The following SH3RF2 variants were observed in gnomAD, a reference collection of about 807,000 sequenced individuals.
SH3RF2 encodes SH3 domain containing ring finger 2.
A neutral mutation model predicts 59.0 loss-of-function variants in SH3RF2; 43 were observed. The observed-to-expected ratio is 0.73, with a 90% CI of 0.57 to 0.94. SH3RF2 has a LOEUF of 0.94. Among genes scored for constraint, SH3RF2 ranks in the 40% least tolerant of loss-of-function variants. The probability of loss-of-function intolerance (pLI) is 0.00; values close to 1 mark genes in which losing one functional copy is unlikely to be tolerated. For missense variants in SH3RF2, 930 were observed against 940.1 expected, an observed-to-expected ratio of 0.99 and a Z score of 0.14; for synonymous variants, 391 against 391.5, an observed-to-expected ratio of 1.00 and a Z score of 0.01.
chr5:145,957,352 G>A (rs1350749942), intron 2 of SH3RF2, among the ~76,000 whole-genome samples: 2 of 152,172 alleles, frequency 1.3e-5, no homozygotes, highest in Non-Finnish European at 2.9e-5. Flanking sequence ...GGTCTTCTGG[G>A]TGGGTGGCCT....
chr5:145,999,031 A>AG (rs1246611252), intron 2 of SH3RF2, among the ~76,000 whole-genome samples: 1 of 152,012 alleles, frequency 6.6e-6, no homozygotes, highest in African/African-American at 2.4e-5. Flanking sequence ...TTACTAAAAA[A>AG]AAAACCTTAA....
intron 7 of SH3RF2, among the ~76,000 whole-genome samples, chr5:146,053,365 A>G (rs569803289): frequency 6.6e-6 from 1 of 151,318 alleles, no homozygotes; most frequent in Admixed American, 6.6e-5. Context: ...CAGCATCTAA[A>G]TCCCCCTTTA....
intron 2 of SH3RF2, among the ~76,000 whole-genome samples, chr5:145,944,479 G>A (rs115304148): frequency 0.01 from 1,590 of 152,024 alleles, 31 homozygotes; most frequent in African/African-American, 0.036. Flanking sequence ...TTCCTGAGCA[G>A]CTACAACTAC....
chr5:146,032,635 C>A (rs923653247), intron 5 of SH3RF2, among the ~76,000 whole-genome samples: 1 of 152,178 alleles, frequency 6.6e-6, no homozygotes, highest in Non-Finnish European at 1.5e-5. Context: ...GCTATCTTGG[C>A]TCTCCTTCAG....
chr5:146,003,289 G>A (rs1379220554), intron 3 of SH3RF2, among the ~76,000 whole-genome samples: 7 of 152,318 alleles, frequency 4.6e-5, no homozygotes, highest in African/African-American at 1.7e-4. Context: ...GTGGGAAAGG[G>A]CACAAAGGAA....
At chr5:145,955,888 A>G (rs371102158) in intron 2 of SH3RF2, among the ~76,000 whole-genome samples, 2 of 152,236 alleles carry the variant, frequency 1.3e-5, no homozygotes, top group African/African-American at 4.8e-5. Context: ...AGATCAAGGA[A>G]GCTGTAGTCT....
At chr5:145,959,605 C>CTA (rs554564790) in intron 2 of SH3RF2, among the ~76,000 whole-genome samples, 3,696 of 145,392 alleles carry the variant, frequency 0.025, 160 homozygotes, top group African/African-American at 0.088. Context: ...AAATCTACTG[C>CTA]TATATATATA....
At chr5:145,974,410 A>T (rs1759206206) in intron 2 of SH3RF2, among the ~76,000 whole-genome samples, 2 of 152,168 alleles carry the variant, frequency 1.3e-5, no homozygotes, top group South Asian at 4.1e-4. Context: ...TCATGGTAGG[A>T]ATCATGGGGG....
At chr5:146,024,581 C>T (rs898984961) in intron 5 of SH3RF2, among the ~76,000 whole-genome samples, 5 of 152,102 alleles carry the variant, frequency 3.3e-5, no homozygotes, top group Admixed American at 6.6e-5. Flanking sequence ...CTACTCTTTC[C>T]TTTGTTGCTT....
intron 5 of SH3RF2, among the ~76,000 whole-genome samples, chr5:146,020,582 C>T (rs997938813): frequency 9.2e-5 from 14 of 152,286 alleles, no homozygotes; most frequent in African/African-American, 3.4e-4. Context: ...ATATATATCT[C>T]TCTTGTATTC....
At chr5:145,992,522 C>T (rs1302071341) in intron 2 of SH3RF2, among the ~76,000 whole-genome samples, 1 of 152,188 alleles carries the variant, frequency 6.6e-6, no homozygotes, top group Non-Finnish European at 1.5e-5. Context: ...ATACCCAAGA[C>T]TGGGCAATTT....
At chr5:145,943,072 T>C (rs1245750784) in intron 2 of SH3RF2, among the ~76,000 whole-genome samples, 1 of 151,562 alleles carries the variant, frequency 6.6e-6, no homozygotes, top group Non-Finnish European at 1.5e-5. Context: ...GATATACATA[T>C]ATATAATATA....
rs764046150 is a variant in SH3RF2 at position 146,059,996 on chromosome 5, C to T, written c.1686C>T (p.Ser562=). The change falls in exon 9 of 10, where the codon TCC becomes TCT. Residue 562 remains serine (S), a synonymous_variant. Transcript: ENST00000359120. ...QFYQPQGIPS[S]PSAVVVEMGS... The stretch of plus-strand genomic sequence containing the variant: ...ACCAGCCACAGGGGATCCCCTCCTC[C>T]CCCTCAGCCGTGGTGGTGGAGATGG... The T allele has an allele frequency of 1.3e-6, 2 of 1,594,850 alleles. No individual in the cohort carries two copies. Among genetic ancestry groups the T allele is most frequent in the Non-Finnish European group, 8.6e-7 (1 of 1,169,448 alleles).
exon 10 of SH3RF2, chr5:146,079,859 T>C (rs995926053): frequency 1.3e-5 from 2 of 152,228 alleles, no homozygotes; most frequent in African/African-American, 4.8e-5. Flanking sequence ...GCACACTGGC[T>C]ATTTATACCT....
At chr5:146,081,137 C>A (rs550406694) in exon 10 of SH3RF2, 1 of 152,192 alleles carries the variant, frequency 6.6e-6, no homozygotes, top group East Asian at 1.9e-4. Flanking sequence ...CAGAATATGT[C>A]TTCACTGTTG....
At chr5:145,970,803 T>A (rs949550994) in intron 2 of SH3RF2, among the ~76,000 whole-genome samples, 1 of 152,222 alleles carries the variant, frequency 6.6e-6, no homozygotes, top group Non-Finnish European at 1.5e-5. Flanking sequence ...GTGATACTTT[T>A]TTTTAAGAAG....
intron 7 of SH3RF2, among the ~76,000 whole-genome samples, chr5:146,054,477 T>A (rs1762600210): frequency 6.6e-6 from 1 of 152,204 alleles, no homozygotes; most frequent in African/African-American, 2.4e-5. Flanking sequence ...TCAGTTGCAC[T>A]CTGGCATGGA....
chr5:146,023,932 A>G (rs934722339), intron 5 of SH3RF2, among the ~76,000 whole-genome samples: 9 of 152,208 alleles, frequency 5.9e-5, no homozygotes, highest in Admixed American at 2.0e-4. Flanking sequence ...TGCGGTATGT[A>G]TTAGTACTCA....
At chr5:145,985,959 G>A (rs769222038) in intron 2 of SH3RF2, among the ~76,000 whole-genome samples, 17 of 151,972 alleles carry the variant, frequency 1.1e-4, no homozygotes, top group Non-Finnish European at 2.4e-4. Flanking sequence ...AGCAATGATT[G>A]CACTGCTGCA....
Sources: allele counts gnomAD v4.1 joint callset (sites outside exome capture counted in the v4.1 genomes callset), GRCh38; gene constraint gnomAD v4.1.1; transcripts MANE v1.5; gene names NCBI Gene and HGNC (gene_info 2026-07-23, HGNC 2026-07-21).